REPS2: variants seen among roughly 807,000 people sequenced by gnomAD.
REPS2 encodes the protein RALBP1 associated Eps domain containing 2, also known as ralBP1-associated Eps domain-containing protein 2.
In REPS2, 23 loss-of-function variants were observed where a neutral mutation model predicts 53.6. That is an observed-to-expected ratio of 0.43 (90% CI 0.31 to 0.61). REPS2 has a LOEUF of 0.61. Among genes scored for constraint, REPS2 ranks in the 20% least tolerant of loss-of-function variants. The pLI, the probability that REPS2 is intolerant of heterozygous loss-of-function variation, is 0.11. For missense variants in REPS2, 446 were observed against 534.9 expected, an observed-to-expected ratio of 0.83 and a Z score of 1.64; for synonymous variants, 238 against 218.6, an observed-to-expected ratio of 1.09 and a Z score of -0.78.
chrX:17,027,037 G>A (rs2061654219), intron 4 of REPS2, among the ~76,000 whole-genome samples: 1 of 111,670 alleles, frequency 9.0e-6, no homozygotes, highest in Admixed American at 9.5e-5. Context: ...CAAGCGATCC[G>A]CTCTCCTTGT....
intron 13 of REPS2, among the ~76,000 whole-genome samples, chrX:17,100,970 G>A (rs926170323): frequency 3.6e-5 from 4 of 110,658 alleles, no homozygotes; most frequent in African/African-American, 1.3e-4. Context: ...TAAATGTGGG[G>A]GCTTCCCCCC....
chrX:17,030,960 T>C (rs2061701872), intron 5 of REPS2, among the ~76,000 whole-genome samples: 1 of 112,323 alleles, frequency 8.9e-6, no homozygotes, highest in Admixed American at 9.4e-5. Flanking sequence ...AATCCCTTAT[T>C]GATACCACAC....
chrX:17,175,580 C>T, the REPS2 span, among the ~76,000 whole-genome samples: 1 of 112,203 alleles, frequency 8.9e-6, no homozygotes, highest in African/African-American at 3.2e-5. Context: ...TTGTTGCCAT[C>T]AGGGCCCATC....
intron 14 of REPS2, among the ~76,000 whole-genome samples, chrX:17,127,923 G>A (rs770677179): frequency 8.9e-6 from 1 of 111,926 alleles, no homozygotes; most frequent in African/African-American, 3.2e-5. Context: ...CTCACTCACA[G>A]GGCTGTTGGC....
rs185638460 is a variant in REPS2, at chrX:17,002,285, G to A, written c.274-3936G>A. Among the ~76,000 whole-genome samples, 196 of 111,210 alleles carry A rather than the reference G, an allele frequency of 1.8e-3. 1 individual carries two copies. The highest frequency in any genetic ancestry group is 6.0e-3 in the African/African-American group (182 of 30,522). ...AGGTGATTCTGTGCATTGCTGCTCA[G>A]TTCTTAGCATAGCACTCAGCACATT... On this transcript the variant is annotated intron_variant, in intron 1 of 17. Coordinates refer to ENST00000357277, the MANE Select transcript of REPS2 (RefSeq NM_004726.3).
At chrX:17,001,487 G>A (rs1211864752) in intron 1 of REPS2, among the ~76,000 whole-genome samples, 1 of 112,228 alleles carries the variant, frequency 8.9e-6, no homozygotes, top group Admixed American at 9.4e-5. Context: ...CAACTGGCCT[G>A]GATTCTTAAA....
At chrX:17,032,998 A>T (rs2061726087) in intron 5 of REPS2, among the ~76,000 whole-genome samples, 1 of 112,055 alleles carries the variant, frequency 8.9e-6, no homozygotes, top group African/African-American at 3.2e-5. Context: ...ATCTGTTATC[A>T]TATGTTTAGA....
At chrX:17,137,998 C>CAT (rs2063394247) in intron 16 of REPS2, 1 of 112,560 alleles carries the variant, frequency 8.9e-6, no homozygotes, top group Non-Finnish European at 1.9e-5. Flanking sequence ...AGTAATGGCA[C>CAT]ATATGGCTGT....
intron 14 of REPS2, among the ~76,000 whole-genome samples, chrX:17,111,881 A>G (rs1202336474): frequency 8.9e-6 from 1 of 112,032 alleles, no homozygotes; most frequent in South Asian, 3.7e-4. Context: ...TTCATGAAAC[A>G]CAGTTGAGGG....
At chrX:17,104,593 C>G (rs2062849401) in intron 14 of REPS2, among the ~76,000 whole-genome samples, 2 of 111,817 alleles carry the variant, frequency 1.8e-5, no homozygotes, top group Non-Finnish European at 3.8e-5. Context: ...TCTCAGGACT[C>G]ATGAGTCACT....
At chrX:17,003,768 T>C (rs979174051) in intron 1 of REPS2, among the ~76,000 whole-genome samples, 2 of 111,900 alleles carry the variant, frequency 1.8e-5, no homozygotes, top group African/African-American at 6.5e-5. Flanking sequence ...GTTCTGAAAA[T>C]GTATTACATT....
intron 14 of REPS2, among the ~76,000 whole-genome samples, chrX:17,110,347 C>T (rs1468068446): frequency 1.0e-5 from 1 of 99,217 alleles, no homozygotes; most frequent in East Asian, 3.2e-4. Context: ...CTACGTTACA[C>T]TTACCTAGTT....
chrX:16,953,599 G>A (rs1326103548), intron 1 of REPS2, among the ~76,000 whole-genome samples: 1 of 112,124 alleles, frequency 8.9e-6, no homozygotes, highest in Admixed American at 9.5e-5. Flanking sequence ...TCAACTTAAG[G>A]AATATCGTAT....
intron 5 of REPS2, among the ~76,000 whole-genome samples, chrX:17,034,855 TG>T (rs1413289984): frequency 9.0e-6 from 1 of 111,710 alleles, no homozygotes; most frequent in Middle Eastern, 4.2e-3. Flanking sequence ...GCTATATTTT[TG>T]GTGTAAGTTT....
chrX:16,951,547 ACACACACACACAC>A (rs1366503174), intron 1 of REPS2, among the ~76,000 whole-genome samples: 473 of 39,348 alleles, frequency 0.012, 17 homozygotes, highest in East Asian at 0.12. Context: ...ACACACACAC[ACACACACACACAC>A]CCCCGCTACC....
chrX:17,054,472 C>A (rs1479149765), intron 7 of REPS2, among the ~76,000 whole-genome samples: 1 of 112,274 alleles, frequency 8.9e-6, no homozygotes, highest in Non-Finnish European at 1.9e-5. Context: ...CCCCATGCAG[C>A]CTGCATTTAC....
intron 17 of REPS2, among the ~76,000 whole-genome samples, chrX:17,142,293 G>A (rs770603754): frequency 9.0e-6 from 1 of 111,282 alleles, no homozygotes; most frequent in South Asian, 3.7e-4. Context: ...TTCATGATCT[G>A]GAGTTAGAAA....
chrX:16,947,861 A>G (rs1158030632), intron 1 of REPS2, among the ~76,000 whole-genome samples: 1 of 111,544 alleles, frequency 9.0e-6, no homozygotes, highest in Non-Finnish European at 1.9e-5. Context: ...TTGAAAGGTA[A>G]GGGATGTCAT....
intron 12 of REPS2, among the ~76,000 whole-genome samples, chrX:17,075,385 C>T (rs780809302): frequency 2.4e-4 from 27 of 112,499 alleles, no homozygotes; most frequent in South Asian, 1.5e-3. Flanking sequence ...CATAGCCACA[C>T]GTTCTGTTAT....
Sources: gnomAD v4.1 joint callset for allele counts (sites outside exome capture counted in the v4.1 genomes callset) on GRCh38, gnomAD v4.1.1 for gene constraint, MANE v1.5 for transcripts, NCBI Gene and HGNC (gene_info 2026-07-23, HGNC 2026-07-21) for gene names.